ROBO1: variants seen among roughly 807,000 people sequenced by gnomAD.
ROBO1 encodes roundabout guidance receptor 1, also known as roundabout homolog 1.
In ROBO1, 149 loss-of-function variants were observed where a neutral mutation model predicts 195.9. That is an observed-to-expected ratio of 0.76 (90% CI 0.67 to 0.87). The LOEUF (loss-of-function observed/expected upper bound fraction) is 0.87, where lower values mean the gene tolerates loss of function less well. ROBO1 is among the 40% of genes least tolerant of loss of function. ROBO1 has a pLI of 0.00. For missense variants in ROBO1, 1,933 were observed against 2,068.3 expected (o/e 0.93, Z 1.27); for synonymous variants, 816 against 733.2 (o/e 1.11, Z -1.82).
chr3:78,623,213 G>T (rs929267194), intron 26 of ROBO1, among the ~76,000 whole-genome samples: 1 of 152,144 alleles, frequency 6.6e-6, no homozygotes, highest in African/African-American at 2.4e-5. Context: ...AGTGTTGCGG[G>T]AACACATAAA....
At chr3:79,583,221 A>C (rs1426615865) in intron 2 of ROBO1, among the ~76,000 whole-genome samples, 1 of 151,976 alleles carries the variant, frequency 6.6e-6, no homozygotes, top group Non-Finnish European at 1.5e-5. Flanking sequence ...CAAGCCATTA[A>C]GTTTATTATG....
At chr3:79,737,547 CTT>C (rs1406652139) in intron 1 of ROBO1, among the ~76,000 whole-genome samples, 3 of 152,078 alleles carry the variant, frequency 2.0e-5, no homozygotes, top group African/African-American at 7.2e-5. Flanking sequence ...TAAATCTTAA[CTT>C]ATATCAGAAG....
At chr3:79,247,006 C>T (rs1271006480) in intron 2 of ROBO1, among the ~76,000 whole-genome samples, 3 of 151,902 alleles carry the variant, frequency 2.0e-5, no homozygotes, top group African/African-American at 4.8e-5. Context: ...GTTATTATAA[C>T]TGCCATTATT....
chr3:79,593,770 C>T (rs139558880), intron 1 of ROBO1, among the ~76,000 whole-genome samples: 1 of 151,988 alleles, frequency 6.6e-6, no homozygotes, highest in Non-Finnish European at 1.5e-5. Context: ...ACCACAACGC[C>T]TGGCTAATTT....
intron 5 of ROBO1, among the ~76,000 whole-genome samples, chr3:78,736,332 T>A (rs1165548076): frequency 6.6e-6 from 1 of 152,184 alleles, no homozygotes; most frequent in Non-Finnish European, 1.5e-5. Context: ...GACTTTCATA[T>A]GTTTTATGTG....
intron 2 of ROBO1, among the ~76,000 whole-genome samples, chr3:79,295,956 T>C (rs1474787453): frequency 5.9e-5 from 9 of 152,148 alleles, no homozygotes. Flanking sequence ...TGTATAAATA[T>C]TAAGTTTTTT....
chr3:79,108,519 A>G (rs1198564903), intron 3 of ROBO1, among the ~76,000 whole-genome samples: 1 of 151,772 alleles, frequency 6.6e-6, no homozygotes, highest in Non-Finnish European at 1.5e-5. Context: ...TTTTTAGTGT[A>G]AAGACAACCA....
intron 4 of ROBO1, among the ~76,000 whole-genome samples, chr3:78,904,137 CAT>C (rs2037753711): frequency 6.6e-6 from 1 of 151,294 alleles, no homozygotes; most frequent in East Asian, 1.9e-4. Context: ...CATATATATA[CAT>C]ATATATACAA....
At chr3:79,213,675 C>T (rs1195540325) in intron 2 of ROBO1, among the ~76,000 whole-genome samples, 1 of 152,080 alleles carries the variant, frequency 6.6e-6, no homozygotes, top group Non-Finnish European at 1.5e-5. Context: ...AAATCAATTT[C>T]TCTCTCTTTC....
chr3:78,881,677 G>A (rs1345958278), intron 4 of ROBO1, among the ~76,000 whole-genome samples: 1 of 151,988 alleles, frequency 6.6e-6, no homozygotes, highest in East Asian at 1.9e-4. Flanking sequence ...ATAAAAACTG[G>A]CAGATTTTAT....
chr3:79,550,646 A>T (rs1664032976), intron 2 of ROBO1, among the ~76,000 whole-genome samples: 1 of 152,206 alleles, frequency 6.6e-6, no homozygotes, highest in Non-Finnish European at 1.5e-5. Context: ...CACAATGGTG[A>T]ATTATTAGGG....
At chr3:78,834,658 C>G (rs1172191645) in intron 4 of ROBO1, among the ~76,000 whole-genome samples, 1 of 151,848 alleles carries the variant, frequency 6.6e-6, no homozygotes, top group African/African-American at 2.4e-5. Flanking sequence ...GTTTAAAAGA[C>G]AAATATTGCT....
At chr3:79,669,493 G>T (rs531430710) in intron 1 of ROBO1, among the ~76,000 whole-genome samples, 3 of 151,774 alleles carry the variant, frequency 2.0e-5, no homozygotes, top group Non-Finnish European at 4.4e-5. Context: ...AATACCATTG[G>T]GTTATTATTG....
At chr3:79,120,548 G>T (rs2080098048) in intron 3 of ROBO1, among the ~76,000 whole-genome samples, 1 of 152,082 alleles carries the variant, frequency 6.6e-6, no homozygotes, top group Non-Finnish European at 1.5e-5. Flanking sequence ...CCAGGAAAGA[G>T]AAAGTAATTA....
chr3:79,338,118 T>C (rs765505105), intron 2 of ROBO1, among the ~76,000 whole-genome samples: 48 of 152,186 alleles, frequency 3.2e-4, no homozygotes, highest in Non-Finnish European at 6.5e-4. Context: ...GAATTCCTAA[T>C]TGTATTTAAT....
intron 1 of ROBO1, among the ~76,000 whole-genome samples, chr3:79,646,958 C>A (rs1274768072): frequency 6.6e-6 from 1 of 151,932 alleles, no homozygotes; most frequent in Non-Finnish European, 1.5e-5. Context: ...TACAAATATA[C>A]AGTCTGATAG....
At chr3:78,944,975 G>A (rs903978803) in intron 3 of ROBO1, among the ~76,000 whole-genome samples, 1 of 152,146 alleles carries the variant, frequency 6.6e-6, no homozygotes, top group Non-Finnish European at 1.5e-5. Context: ...AGGGGTGCCC[G>A]CCATTGCCGA....
intron 17 of ROBO1, among the ~76,000 whole-genome samples, chr3:78,658,641 A>G (rs1390868576): frequency 1.3e-5 from 2 of 152,234 alleles, no homozygotes; most frequent in Non-Finnish European, 2.9e-5. Flanking sequence ...CTTTAAGTAG[A>G]CAATTGTCTA....
intron 3 of ROBO1, among the ~76,000 whole-genome samples, chr3:79,065,540 G>A (rs2078989976): frequency 6.6e-6 from 1 of 151,858 alleles, no homozygotes; most frequent in African/African-American, 2.4e-5. Context: ...ATCTTAACAT[G>A]CCAGATAAAA....
Sources: gnomAD v4.1 joint callset for allele counts (sites outside exome capture counted in the v4.1 genomes callset) on GRCh38, gnomAD v4.1.1 for gene constraint, MANE v1.5 for transcripts, NCBI Gene and HGNC (gene_info 2026-07-23, HGNC 2026-07-21) for gene names.